The following NT5DC1 variants were observed in gnomAD, a reference collection of about 807,000 sequenced individuals.
NT5DC1 encodes 5'-nucleotidase domain-containing protein 1.
Under a neutral mutation model 59.4 loss-of-function variants are expected in NT5DC1, and 42 were observed. The observed-to-expected ratio is 0.71, with a 90% CI of 0.55 to 0.92. The LOEUF is 0.92. Ranked by LOEUF, NT5DC1 falls within the 40% of genes least tolerant of loss-of-function variation. The probability of loss-of-function intolerance (pLI) is 0.00; values close to 1 mark genes in which losing one functional copy is unlikely to be tolerated. For missense variants in NT5DC1, 501 were observed against 537.1 expected, an observed-to-expected ratio of 0.93 and a Z score of 0.66; for synonymous variants, 172 against 188.1, an observed-to-expected ratio of 0.91 and a Z score of 0.70.
At chr6:116,225,586 G>A (rs1781891987) in intron 8 of NT5DC1, among the ~76,000 whole-genome samples, 1 of 152,192 alleles carries the variant, frequency 6.6e-6, no homozygotes, top group African/African-American at 2.4e-5. Flanking sequence ...ATCTTCCCTG[G>A]GGTGGACAAG....
At chr6:116,164,045 C>A (rs1009704743) in intron 6 of NT5DC1, among the ~76,000 whole-genome samples, 1 of 152,092 alleles carries the variant, frequency 6.6e-6, no homozygotes, top group African/African-American at 2.4e-5. Context: ...AAGTTCCATG[C>A]ACAGATGAGA....
chr6:116,119,535 G>T (rs1275817363), intron 6 of NT5DC1: 2 of 154,432 alleles, frequency 1.3e-5, no homozygotes, highest in African/African-American at 4.8e-5. Flanking sequence ...GGCCATACAG[G>T]CCTCAGAGTA....
intron 8 of NT5DC1, among the ~76,000 whole-genome samples, chr6:116,229,408 AAC>A (rs1173167289): frequency 3.5e-4 from 54 of 152,304 alleles, no homozygotes; most frequent in Admixed American, 2.5e-3. Flanking sequence ...CCAATCACGA[AAC>A]ACAGCATGGC....
At chr6:116,129,017 C>G (rs1169096668) in intron 6 of NT5DC1, among the ~76,000 whole-genome samples, 1 of 152,156 alleles carries the variant, frequency 6.6e-6, no homozygotes, top group Non-Finnish European at 1.5e-5. Context: ...CGCTGTCACT[C>G]AATTCTCTTT....
At chr6:116,149,089 T>C (rs1779969015) in intron 6 of NT5DC1, among the ~76,000 whole-genome samples, 1 of 152,156 alleles carries the variant, frequency 6.6e-6, no homozygotes, top group Non-Finnish European at 1.5e-5. Flanking sequence ...AGGTGCATAA[T>C]TCATGGATAA....
intron 7 of NT5DC1, 70 bp downstream of exon 7, chr6:116,221,298 T>C (rs900946590): frequency 1.1e-6 from 1 of 908,706 alleles, no homozygotes; most frequent in Non-Finnish European, 1.7e-6. Context: ...AGGGCTTTTT[T>C]AAAAGTGTCA....
At chr6:116,214,340 A>G (rs1194479298) in intron 6 of NT5DC1, among the ~76,000 whole-genome samples, 1 of 152,164 alleles carries the variant, frequency 6.6e-6, no homozygotes, top group African/African-American at 2.4e-5. Flanking sequence ...ACTTAAAAAG[A>G]TTTTTACTTA....
intron 6 of NT5DC1, among the ~76,000 whole-genome samples, chr6:116,124,246 A>G (rs764669040): frequency 6.6e-6 from 1 of 152,132 alleles, no homozygotes; most frequent in African/African-American, 2.4e-5. Context: ...TTTAAACTTT[A>G]TAACAAATAT....
chr6:116,206,443 T>G (rs1781452672), intron 6 of NT5DC1, among the ~76,000 whole-genome samples: 1 of 151,978 alleles, frequency 6.6e-6, no homozygotes, highest in Non-Finnish European at 1.5e-5. Flanking sequence ...ATTGCACAAC[T>G]AAGACTTGAC....
Position 116,121,692 on chromosome 6 carries a change from C to G in NT5DC1, c.529+3747C>G, listed in dbSNP as rs376224853. 49 of 1,613,974 alleles carry G rather than the reference C, an allele frequency of 3.0e-5. No individual in the cohort carries two copies. Among genetic ancestry groups the G allele is most frequent in the Non-Finnish European group, 4.1e-5 (48 of 1,179,986 alleles). ...GCCGGTCCAGGGATTCCAGGTGGTCCTGGTGGGCCCCGGGGTCCTGGTAGG... is the reference window on the plus strand; with the variant it reads ...GCCGGTCCAGGGATTCCAGGTGGTCGTGGTGGGCCCCGGGGTCCTGGTAGG... On this transcript the variant is annotated intron_variant, in intron 6 of 11. Coordinates refer to ENST00000319550, the MANE Select transcript of NT5DC1 (RefSeq NM_152729.3).
At position 116,247,618 on chromosome 6, in the gene NT5DC1, T is replaced by C. The variant is rs533344852; in HGVS notation, c.*3594T>C. 6.6e-6 allele frequency: 1 copy of C among 152,230 alleles called. No individual in the cohort carries two copies. The highest frequency in any genetic ancestry group is 1.5e-5 in the Non-Finnish European group (1 of 68,024). The allele number at this position is 152,230 out of a possible 1,614,324, so 9.4% of individuals were successfully genotyped here. A position where few individuals can be genotyped will look rare whatever the true frequency, so the allele number is the denominator to read the frequency against. ...TACATAGACTGCTTGCCAATCAGTT[T>C]GTTGTACCATGTACCTGTTCACAGA... On this transcript the variant is annotated 3_prime_UTR_variant, in exon 12 of 12. Transcript: ENST00000319550.
intron 6 of NT5DC1, among the ~76,000 whole-genome samples, chr6:116,210,974 C>T (rs1781565361): frequency 6.6e-6 from 1 of 151,990 alleles, no homozygotes; most frequent in Non-Finnish European, 1.5e-5. Context: ...TTTTCTTCTC[C>T]TTGAAAATGA....
chr6:116,223,389 A>C (rs1171376804), intron 8 of NT5DC1, among the ~76,000 whole-genome samples: 1 of 152,236 alleles, frequency 6.6e-6, no homozygotes, highest in African/African-American at 2.4e-5. Flanking sequence ...ATGCCTCGAT[A>C]AATATTTGAA....
At chr6:116,200,883 T>C (rs1248540822) in intron 6 of NT5DC1, among the ~76,000 whole-genome samples, 1 of 152,032 alleles carries the variant, frequency 6.6e-6, no homozygotes, top group African/African-American at 2.4e-5. Flanking sequence ...TATGCTCCCT[T>C]CTTCTTCCCC....
chr6:116,189,336 G>A (rs575810536), intron 6 of NT5DC1, among the ~76,000 whole-genome samples: 2 of 151,690 alleles, frequency 1.3e-5, no homozygotes, highest in African/African-American at 2.4e-5. Context: ...CTCACAACCC[G>A]ATTTGAGACT....
chr6:116,126,637 C>G (rs1346604391), intron 6 of NT5DC1, among the ~76,000 whole-genome samples: 1 of 152,060 alleles, frequency 6.6e-6, no homozygotes, highest in Non-Finnish European at 1.5e-5. Context: ...TTCTTAATTA[C>G]TTTTAGGCTT....
intron 6 of NT5DC1, among the ~76,000 whole-genome samples, chr6:116,133,471 A>G (rs1205383944): frequency 6.6e-6 from 1 of 152,198 alleles, no homozygotes; most frequent in Non-Finnish European, 1.5e-5. Flanking sequence ...GTACAAAGTA[A>G]AGTACTTGTA....
chr6:116,116,333 G>T lies in NT5DC1; in HGVS notation c.444+563G>T, dbSNP rs1268987265. On this transcript the variant is annotated intron_variant, in intron 5 of 11. Transcript: ENST00000319550. The stretch of plus-strand genomic sequence containing the variant: ...ATATGTCAGAATCACTTTCCTTTAT[G>T]CATGTCTTTTAAAAATAACTACTTT... 3.9e-5 allele frequency among the ~76,000 whole-genome samples: 6 copies of T among 152,008 alleles called. No homozygotes were observed. In the East Asian group the frequency reaches 7.7e-4, roughly 20 times the overall value.
At chr6:116,184,994 T>G (rs1459933588) in intron 6 of NT5DC1, among the ~76,000 whole-genome samples, 1 of 151,814 alleles carries the variant, frequency 6.6e-6, no homozygotes, top group African/African-American at 2.4e-5. Flanking sequence ...CTTTCAGACT[T>G]TTTGATGCTG....
Sources: allele counts gnomAD v4.1 joint callset (sites outside exome capture counted in the v4.1 genomes callset), GRCh38; gene constraint gnomAD v4.1.1; transcripts MANE v1.5; gene names NCBI Gene and HGNC (gene_info 2026-07-23, HGNC 2026-07-21).